Variants in CNTNAP5 observed in about 807,000 individuals in gnomAD.
CNTNAP5 encodes contactin-associated protein-like 5.
A neutral mutation model predicts 150.2 loss-of-function variants in CNTNAP5; 72 were observed. The ratio of observed to expected loss-of-function variants is 0.48; its 90% CI spans 0.40 to 0.58. CNTNAP5 has a LOEUF of 0.58. CNTNAP5 is among the 20% of genes least tolerant of loss of function. CNTNAP5 has a pLI of 0.00. For synonymous variants in CNTNAP5, 672 were observed against 619.8 expected, an observed-to-expected ratio of 1.08 and a Z score of -1.25; for missense variants, 1,636 against 1,626.2, an observed-to-expected ratio of 1.01 and a Z score of -0.10.
chr2:124,896,041 C>T (rs530248170), intron 21 of CNTNAP5, among the ~76,000 whole-genome samples: 8 of 151,592 alleles, frequency 5.3e-5, no homozygotes, highest in Middle Eastern at 6.8e-3. Flanking sequence ...ATTGCCATTC[C>T]GGTTCCATAT....
At chr2:124,725,404 T>C (rs1364126226) in intron 13 of CNTNAP5, among the ~76,000 whole-genome samples, 1 of 151,992 alleles carries the variant, frequency 6.6e-6, no homozygotes, top group Admixed American at 6.6e-5. Flanking sequence ...TTAACTAACA[T>C]ATCCATGACC....
chr2:124,705,434 A>G (rs887226929), intron 13 of CNTNAP5, among the ~76,000 whole-genome samples: 1 of 152,152 alleles, frequency 6.6e-6, no homozygotes, highest in Admixed American at 6.5e-5. Flanking sequence ...AGACTGAGGC[A>G]GGAGAATTGC....
chr2:124,811,775 T>C (rs1682227984), intron 19 of CNTNAP5, among the ~76,000 whole-genome samples: 1 of 148,986 alleles, frequency 6.7e-6, no homozygotes, highest in East Asian at 2.0e-4. Flanking sequence ...ACCCCATCTG[T>C]ACTAAAAATA....
At chr2:124,562,388 G>A (rs1325069143) in intron 10 of CNTNAP5, among the ~76,000 whole-genome samples, 4 of 152,076 alleles carry the variant, frequency 2.6e-5, no homozygotes, top group African/African-American at 9.7e-5. Context: ...GGAGTTTTAT[G>A]ATAGTCCATT....
intron 1 of CNTNAP5, among the ~76,000 whole-genome samples, chr2:124,155,554 G>GA (rs1004976672): frequency 3.3e-5 from 5 of 151,942 alleles, no homozygotes; most frequent in Admixed American, 6.6e-5. Context: ...GATTTACTAG[G>GA]AAAAAAATAA....
rs1331916560 is a variant in CNTNAP5 at position 124,764,134 on chromosome 2, A to C, written c.2520A>C (p.Arg840=). The C allele has an allele frequency of 1.2e-5, 19 of 1,611,946 alleles. No homozygotes were observed. Among genetic ancestry groups the C allele is most frequent in the South Asian group, 2.2e-5 (2 of 90,998 alleles). The change falls in exon 16 of 24, where the codon CGA becomes CGC. Residue 840 remains arginine (R), a synonymous_variant. Coordinates refer to ENST00000682447, the MANE Select transcript of CNTNAP5 (RefSeq NM_001367498.1). ...LENLGIKDFI[R]LEISSPSEIT... ...ATCTTGGCATTAAAGACTTCATTCG[A>C]CTCGAAATAAGCTGTAAGTGCCCTC...
intron 21 of CNTNAP5, among the ~76,000 whole-genome samples, chr2:124,878,042 T>C (rs185246386): frequency 2.6e-4 from 39 of 152,206 alleles, no homozygotes; most frequent in Admixed American, 2.4e-3. Flanking sequence ...GTGTCTGGAT[T>C]CCAAGCTCCT....
At chr2:124,718,038 A>G (rs894671815) in intron 13 of CNTNAP5, among the ~76,000 whole-genome samples, 7 of 152,148 alleles carry the variant, frequency 4.6e-5, no homozygotes, top group African/African-American at 4.8e-5. Context: ...ACAAGATGCT[A>G]TTATACTCTA....
Position 124,790,134 on chromosome 2 carries a change from C to G in CNTNAP5, c.2985C>G (p.Cys995Trp). ...CTNSPYEGPFCKKEVSAVFEA... is the reference protein window; with the variant it reads ...CTNSPYEGPFWKKEVSAVFEA... ...ATTCACCTTATGAAGGGCCCTTTTG[C>G]AAAAAAGGTACCTTAGGCGCTCCTG... Residue 995 changes from cysteine to tryptophan, a missense_variant, in exon 18 of 24, where the codon TGC becomes TGG. Transcript: ENST00000682447. 3 of 1,605,490 alleles carry G rather than the reference C, an allele frequency of 1.9e-6. No individual in the cohort carries two copies. The highest frequency in any genetic ancestry group is 2.5e-6 in the Non-Finnish European group (3 of 1,177,224).
intron 1 of CNTNAP5, among the ~76,000 whole-genome samples, chr2:124,171,804 G>C (rs1279713431): frequency 6.6e-6 from 1 of 152,164 alleles, no homozygotes; most frequent in Non-Finnish European, 1.5e-5. Flanking sequence ...ATTTGGTTAT[G>C]TTTTAGGTTC....
intron 17 of CNTNAP5, among the ~76,000 whole-genome samples, chr2:124,783,539 T>G (rs1681498804): frequency 6.6e-6 from 1 of 152,166 alleles, no homozygotes; most frequent in Non-Finnish European, 1.5e-5. Flanking sequence ...TGGCTCTTGA[T>G]ATGGATTGAT....
intron 13 of CNTNAP5, among the ~76,000 whole-genome samples, chr2:124,689,529 G>A (rs1457405282): frequency 1.3e-5 from 2 of 152,072 alleles, no homozygotes; most frequent in Non-Finnish European, 2.9e-5. Context: ...ATGCACACAT[G>A]TGTTTGCCTG....
At chr2:124,746,585 G>A (rs964204620) in intron 13 of CNTNAP5, among the ~76,000 whole-genome samples, 1 of 151,944 alleles carries the variant, frequency 6.6e-6, no homozygotes, top group Non-Finnish European at 1.5e-5. Context: ...GCAACTGCAG[G>A]GCTACTATTA....
At chr2:124,648,050 A>C (rs1009549801) in intron 13 of CNTNAP5, 92 bp downstream of exon 13, 1 of 1,158,208 alleles carries the variant, frequency 8.6e-7, no homozygotes, top group Non-Finnish European at 1.2e-6. Flanking sequence ...GAAGGGGGCT[A>C]TAGTTACAGT....
At chr2:124,419,612 C>A (rs1038177736) in intron 4 of CNTNAP5, among the ~76,000 whole-genome samples, 11 of 152,194 alleles carry the variant, frequency 7.2e-5, no homozygotes, top group African/African-American at 2.7e-4. Flanking sequence ...TCTAGTGCAT[C>A]TTCCAATGGG....
intron 3 of CNTNAP5, among the ~76,000 whole-genome samples, chr2:124,399,853 A>G (rs74574937): frequency 0.023 from 3,475 of 152,222 alleles, 55 homozygotes; most frequent in South Asian, 0.053. Context: ...ACACTTTATT[A>G]TTTGCCTCTC....
chr2:124,326,851 C>T (rs1415929646), intron 3 of CNTNAP5, among the ~76,000 whole-genome samples: 1 of 151,922 alleles, frequency 6.6e-6, no homozygotes, highest in African/African-American at 2.4e-5. Context: ...CACCCATAGT[C>T]CCAGCTACTT....
At chr2:124,751,244 G>T (rs552139836) in intron 14 of CNTNAP5, among the ~76,000 whole-genome samples, 1 of 151,872 alleles carries the variant, frequency 6.6e-6, no homozygotes, top group African/African-American at 2.4e-5. Context: ...ACATCTGTGT[G>T]CAGTGGGGAA....
intron 2 of CNTNAP5, among the ~76,000 whole-genome samples, chr2:124,237,635 G>A (rs140777259): frequency 0.015 from 2,303 of 152,234 alleles, 71 homozygotes; most frequent in African/African-American, 0.053. Context: ...TCAGGAGTTC[G>A]AGAGCAGTCT....
Sources: gnomAD v4.1 joint callset for allele counts (sites outside exome capture counted in the v4.1 genomes callset) on GRCh38, gnomAD v4.1.1 for gene constraint, MANE v1.5 for transcripts, NCBI Gene and HGNC (gene_info 2026-07-23, HGNC 2026-07-21) for gene names.